Variants in OPN5 observed in about 807,000 individuals in gnomAD.
The protein encoded by OPN5 is opsin-5.
In OPN5, 18 loss-of-function variants were observed where a neutral mutation model predicts 41.7. The ratio of observed to expected loss-of-function variants is 0.43; its 90% CI spans 0.30 to 0.64. The LOEUF is 0.64. Ranked by LOEUF, OPN5 falls within the 30% of genes least tolerant of loss-of-function variation. OPN5 has a pLI of 0.13. For missense variants in OPN5, 318 were observed against 434.5 expected, an observed-to-expected ratio of 0.73 and a Z score of 2.38; for synonymous variants, 178 against 164.3, an observed-to-expected ratio of 1.08 and a Z score of -0.64.
chr6:47,815,891 G>T (rs1762414927), intron 6 of OPN5, among the ~76,000 whole-genome samples: 1 of 152,084 alleles, frequency 6.6e-6, no homozygotes, highest in African/African-American at 2.4e-5. Flanking sequence ...AGTACTTTAA[G>T]AAATTTCAAT....
chr6:47,783,381 C>A (rs549466457), intron 1 of OPN5, among the ~76,000 whole-genome samples: 1 of 152,082 alleles, frequency 6.6e-6, no homozygotes, highest in East Asian at 1.9e-4. Flanking sequence ...TCTCTTCCAC[C>A]CTTCTTCCCT....
At chr6:47,823,129 A>G (rs961309734) in intron 6 of OPN5, among the ~76,000 whole-genome samples, 14 of 152,192 alleles carry the variant, frequency 9.2e-5, no homozygotes, top group African/African-American at 3.4e-4. Flanking sequence ...GTGGCCCAGT[A>G]TGTGATTGCA....
At chr6:47,787,100 G>C in intron 2 of OPN5, 7 of 982,198 alleles carry the variant, frequency 7.1e-6, no homozygotes, top group Non-Finnish European at 8.5e-6. Flanking sequence ...AATGTAGGAA[G>C]AGGAAAGAGG....
rs900631117 is a variant in OPN5, at chr6:47,815,347, A to G, written c.1056+3616A>G. 6.6e-5 allele frequency among the ~76,000 whole-genome samples: 10 copies of G among 152,236 alleles called. No individual in the cohort carries two copies. The South Asian group carries it at 1.2e-3, about 19-fold the overall frequency. Reference sequence around the variant, plus strand: ...AGCAACCTGAGCCACAAATCTACGAATAAAAATGCTTCTCCATTAAGTTAG... The same window carrying G: ...AGCAACCTGAGCCACAAATCTACGAGTAAAAATGCTTCTCCATTAAGTTAG... On this transcript the variant is annotated intron_variant, in intron 6 of 6. Transcript: ENST00000371211.
At chr6:47,820,784 T>A (rs904132820) in intron 6 of OPN5, among the ~76,000 whole-genome samples, 5 of 152,172 alleles carry the variant, frequency 3.3e-5, no homozygotes, top group Non-Finnish European at 5.9e-5. Flanking sequence ...CAGTCGACCC[T>A]TGAACAATGT....
At position 47,782,211 on chromosome 6, in the gene OPN5, T is replaced by C. The variant is rs1773109028; in HGVS notation, c.130+15T>C. 1.2e-6 allele frequency: 2 copies of C among 1,611,806 alleles called. No individual in the cohort carries two copies. Among genetic ancestry groups the C allele is most frequent in the Non-Finnish European group, 8.5e-7 (1 of 1,179,000 alleles). On this transcript the variant is annotated intron_variant, in intron 1 of 6. Coordinates refer to ENST00000371211, the Ensembl canonical transcript of OPN5. ...AACAATAATTGGTAAGCTTCCTTAA[T>C]TCTTCTGTGCAAAGGCTGCATTTAG...
At chr6:47,809,492 A>G (rs1774109935) in intron 5 of OPN5, among the ~76,000 whole-genome samples, 1 of 152,234 alleles carries the variant, frequency 6.6e-6, no homozygotes. Context: ...TTGCTGTGGT[A>G]TAGGGGAAGA....
chr6:47,791,049 A>C (rs745507114), intron 2 of OPN5, among the ~76,000 whole-genome samples: 1 of 152,138 alleles, frequency 6.6e-6, no homozygotes, highest in South Asian at 2.1e-4. Context: ...ACTGTTTTGC[A>C]TATTATTTTT....
At chr6:47,807,014 A>G (rs916347705) in intron 4 of OPN5, among the ~76,000 whole-genome samples, 5 of 152,112 alleles carry the variant, frequency 3.3e-5, no homozygotes, top group Non-Finnish European at 5.9e-5. Context: ...AAAATTAGCC[A>G]GGCATGGTGG....
chr6:47,823,049 T>C (rs1444790415), intron 6 of OPN5, among the ~76,000 whole-genome samples: 1 of 152,170 alleles, frequency 6.6e-6, no homozygotes, highest in African/African-American at 2.4e-5. Context: ...CCAAGCCACA[T>C]ACTTGTTGAA....
chr6:47,811,780 T>A, intron 6 of OPN5, 49 bp downstream of exon 6: 6 of 1,238,352 alleles, frequency 4.8e-6, no homozygotes, highest in Non-Finnish European at 7.1e-6. Flanking sequence ...TTCACTTATT[T>A]GCCTCTTCAC....
chr6:47,823,130 T>C (rs924574227), intron 6 of OPN5, among the ~76,000 whole-genome samples: 1 of 152,182 alleles, frequency 6.6e-6, no homozygotes, highest in African/African-American at 2.4e-5. Context: ...TGGCCCAGTA[T>C]GTGATTGCAT....
intron 6 of OPN5, among the ~76,000 whole-genome samples, chr6:47,819,352 TAAA>T (rs1360600478): frequency 8.4e-5 from 8 of 95,028 alleles, no homozygotes; most frequent in East Asian, 3.9e-4. Flanking sequence ...TATATATATA[TAAA>T]AAATATATTA....
intron 6 of OPN5, among the ~76,000 whole-genome samples, chr6:47,819,400 A>ATATAT (rs1762535695): frequency 7.6e-6 from 1 of 131,776 alleles, no homozygotes; most frequent in Non-Finnish European, 1.6e-5. Flanking sequence ...ATATATATAT[A>ATATAT]AAACAGTATA....
intron 4 of OPN5, among the ~76,000 whole-genome samples, chr6:47,799,602 C>T (rs1289551909): frequency 1.3e-5 from 2 of 152,190 alleles, no homozygotes; most frequent in Non-Finnish European, 2.9e-5. Context: ...TAAGCTACTT[C>T]CCCACCCTTC....
chr6:47,791,968 T>G, exon 3 of OPN5: 1 of 1,612,060 alleles, frequency 6.2e-7, no homozygotes, highest in Non-Finnish European at 8.5e-7. Flanking sequence ...GCTATTTATC[T>G]TATGGTAAGT....
chr6:47,783,614 C>T (rs1773130095), intron 1 of OPN5, among the ~76,000 whole-genome samples: 1 of 152,086 alleles, frequency 6.6e-6, no homozygotes, highest in Non-Finnish European at 1.5e-5. Context: ...AGTTTAAATT[C>T]TGTTTCTTAT....
intron 2 of OPN5, among the ~76,000 whole-genome samples, chr6:47,790,863 C>T (rs1773348255): frequency 6.6e-6 from 1 of 152,120 alleles, no homozygotes; most frequent in African/African-American, 2.4e-5. Context: ...TTCATAGACA[C>T]TTAACTCCTA....
chr6:47,810,697 CT>C (rs1392524660), intron 5 of OPN5, among the ~76,000 whole-genome samples: 1 of 152,116 alleles, frequency 6.6e-6, no homozygotes, highest in Non-Finnish European at 1.5e-5. Flanking sequence ...ACAAGTTAAA[CT>C]CATTTTTTCC....
Sources: gnomAD v4.1 joint callset for allele counts (sites outside exome capture counted in the v4.1 genomes callset) on GRCh38, gnomAD v4.1.1 for gene constraint, MANE v1.5 for transcripts, NCBI Gene and HGNC (gene_info 2026-07-23, HGNC 2026-07-21) for gene names.